The following ACO1 variants were observed in gnomAD, a reference collection of about 807,000 sequenced individuals.
ACO1 encodes the protein cytoplasmic aconitate hydratase.
In ACO1, 78 loss-of-function variants were observed where a neutral mutation model predicts 105.1. The observed-to-expected ratio is 0.74, with a 90% CI of 0.62 to 0.90. ACO1 has a LOEUF of 0.90. ACO1 is among the 40% of genes least tolerant of loss of function. The pLI is 0.00. For synonymous variants in ACO1, 364 were observed against 397.4 expected (o/e 0.92, Z 1.00); for missense variants, 965 against 1,111.1 (o/e 0.87, Z 1.87).
intron 1 of ACO1, among the ~76,000 whole-genome samples, chr9:32,387,957 A>G (rs907743718): frequency 1.3e-5 from 2 of 152,220 alleles, no homozygotes; most frequent in Non-Finnish European, 2.9e-5. Flanking sequence ...TGAGTCTCCA[A>G]GATGGACGTA....
In ACO1 at chr9:32,421,703, G is replaced by A. The variant is rs574188860; in HGVS notation, c.970+676G>A. Reference sequence around the variant, plus strand: ...CAGGAGGTGGAGGTTATGGTGGGCCGATCTCGCACCACTGCGCTCCAGCCT... The same window carrying A: ...CAGGAGGTGGAGGTTATGGTGGGCCAATCTCGCACCACTGCGCTCCAGCCT... On this transcript the variant is annotated intron_variant, in intron 8 of 20. Coordinates refer to ENST00000309951, the MANE Select transcript of ACO1 (RefSeq NM_002197.3). Among the ~76,000 whole-genome samples the A allele has an allele frequency of 1.8e-4, 28 of 152,258 alleles. No homozygotes were observed. In the South Asian group the frequency reaches 4.1e-3, roughly 23 times the overall value.
chr9:32,411,901 C>T (rs558363220), intron 4 of ACO1, among the ~76,000 whole-genome samples: 14 of 152,112 alleles, frequency 9.2e-5, no homozygotes, highest in African/African-American at 3.4e-4. Context: ...TTTTTTGAGA[C>T]AGGTTCTCAC....
At chr9:32,413,353 G>T (rs1821781757) in intron 4 of ACO1, among the ~76,000 whole-genome samples, 1 of 151,870 alleles carries the variant, frequency 6.6e-6, no homozygotes, top group Admixed American at 6.6e-5. Context: ...GCATGGTGGT[G>T]CATGCCTGTA....
At chr9:32,386,865 C>T (rs1159047778) in intron 1 of ACO1, among the ~76,000 whole-genome samples, 2 of 152,188 alleles carry the variant, frequency 1.3e-5, no homozygotes, top group Non-Finnish European at 2.9e-5. Flanking sequence ...GTAGTGAGCA[C>T]AAAAGATGCA....
At chr9:32,388,337 T>C (rs891014362) in intron 1 of ACO1, among the ~76,000 whole-genome samples, 2 of 152,142 alleles carry the variant, frequency 1.3e-5, no homozygotes, top group African/African-American at 4.8e-5. Context: ...AAGACCAACC[T>C]GGGCAACATG....
At chr9:32,395,608 G>T (rs1312878359) in intron 1 of ACO1, among the ~76,000 whole-genome samples, 1 of 152,194 alleles carries the variant, frequency 6.6e-6, no homozygotes. Flanking sequence ...CTGAGAAGGG[G>T]CTGAGGAAGA....
intron 15 of ACO1, among the ~76,000 whole-genome samples, chr9:32,432,425 G>A (rs1432818732): frequency 6.6e-6 from 1 of 152,178 alleles, no homozygotes; most frequent in Non-Finnish European, 1.5e-5. Flanking sequence ...TGCGGCTGAT[G>A]GTTTAAATGA....
rs1425081408 is a variant in ACO1, at chr9:32,451,089, C to T, written c.*978C>T. On this transcript the variant is annotated 3_prime_UTR_variant, in exon 21 of 21. Transcript: ENST00000309951. ...AACGATATAAGTACATAAGGAAAAG[C>T]AGATAAACTTCAGGACACTAAAAAC... The T allele has an allele frequency of 1.3e-5, 2 of 152,026 alleles. No homozygotes were observed. Among genetic ancestry groups the T allele is most frequent in the South Asian group, 2.1e-4 (1 of 4,838 alleles). 9.4% of individuals were successfully genotyped at this position (152,026 alleles called of 1,614,324 possible). A position where few individuals can be genotyped will look rare whatever the true frequency, so the allele number is the denominator to read the frequency against.
chr9:32,447,374 A>G (rs746520400), intron 19 of ACO1, among the ~76,000 whole-genome samples: 1 of 152,062 alleles, frequency 6.6e-6, no homozygotes, highest in Non-Finnish European at 1.5e-5. Flanking sequence ...TGATACTTGT[A>G]TATACTCACG....
chr9:32,409,576 T>TGC (rs1554660084), intron 4 of ACO1, among the ~76,000 whole-genome samples: 1 of 152,168 alleles, frequency 6.6e-6, no homozygotes, highest in Non-Finnish European at 1.5e-5. Context: ...GTTGGCCACG[T>TGC]GCAGTGGCTC....
In ACO1 at chr9:32,423,437, AC is replaced by A; in HGVS notation, c.1071+19del. ...TCACCCAGGTATGAGAGTGCCTTCC[AC>A]TGTGCATGTATTTCCTCTTCCTCAA... On this transcript the variant is annotated intron_variant, in intron 9 of 20. Coordinates refer to ENST00000309951, the MANE Select transcript of ACO1 (RefSeq NM_002197.3). 1 of 1,500,232 alleles carries A rather than the reference AC, an allele frequency of 6.7e-7. No individual in the cohort carries two copies. Among genetic ancestry groups the A allele is most frequent in the African/African-American group, 1.4e-5 (1 of 71,608 alleles). The allele number at this position is 1,500,232 out of a possible 1,614,324, so 92.9% of individuals were successfully genotyped here.
chr9:32,448,629 C>G (rs959346945), intron 19 of ACO1, among the ~76,000 whole-genome samples: 4 of 152,210 alleles, frequency 2.6e-5, no homozygotes, highest in African/African-American at 9.6e-5. Flanking sequence ...ACCCTTTGTG[C>G]TTCCCAGGTG....
chr9:32,450,526 G>T lies in ACO1; in HGVS notation c.*415G>T. On this transcript the variant is annotated 3_prime_UTR_variant, in exon 21 of 21. Transcript: ENST00000309951. ...TGCTCAATGAAACCTTCCTCTTGAG[G>T]GTCATTTTCCTTTCTGTATTAATTA... 2 of 274,728 alleles carry T rather than the reference G, an allele frequency of 7.3e-6. No individual in the cohort carries two copies. The highest frequency in any genetic ancestry group is 3.8e-5 in the South Asian group (1 of 26,578). 17.0% of individuals were successfully genotyped at this position (274,728 alleles called of 1,614,324 possible). A position where few individuals can be genotyped will look rare whatever the true frequency, so the allele number is the denominator to read the frequency against.
At chr9:32,428,939 A>G (rs1209928106) in intron 12 of ACO1, among the ~76,000 whole-genome samples, 1 of 152,186 alleles carries the variant, frequency 6.6e-6, no homozygotes, top group Non-Finnish European at 1.5e-5. Flanking sequence ...CAACATCACT[A>G]GGTGATAGGA....
chr9:32,426,929 A>G (rs543860376), intron 11 of ACO1, among the ~76,000 whole-genome samples: 4 of 152,196 alleles, frequency 2.6e-5, no homozygotes, highest in Non-Finnish European at 5.9e-5. Context: ...GGCTCCTTCA[A>G]TGATGATTTT....
At position 32,448,972 on chromosome 9, in the gene ACO1, T is replaced by C. The variant is rs748583852; in HGVS notation, c.2447T>C (p.Leu816Pro). 9 of 1,614,198 alleles carry C rather than the reference T, an allele frequency of 5.6e-6. No individual in the cohort carries two copies. The highest frequency in any genetic ancestry group is 2.2e-5 in the East Asian group (1 of 44,880). The change falls in exon 20 of 21, where the codon CTT becomes CCT. Residue 816 changes from leucine to proline, a missense_variant. Transcript: ENST00000309951. The part of the protein sequence containing the change: ...SNLVGMGVIP[L>P]EYLPGENADA... ...CTGGTTGGGATGGGTGTGATCCCAC[T>C]TGAATATCTCCCTGGTGAGAATGCA...
At chr9:32,429,338 C>T (rs1822173534) in intron 12 of ACO1, 81 bp from the exon 13 acceptor site, 4 of 1,307,022 alleles carry the variant, frequency 3.1e-6, no homozygotes, top group South Asian at 1.2e-5. Flanking sequence ...GAACAGTGGT[C>T]TCTGGAAACT....
chr9:32,427,456 T>G lies in ACO1; in HGVS notation c.1484+20T>G. On this transcript the variant is annotated intron_variant, in intron 12 of 20. Transcript: ENST00000309951. ...GCTTGGGTGAGGGAGAGTTTTCTTT[T>G]GCACCATTGCTTTTGTTGAATTGTA... 2.5e-6 allele frequency: 4 copies of G among 1,614,128 alleles called. No homozygotes were observed. The highest frequency in any genetic ancestry group is 2.5e-6 in the Non-Finnish European group (3 of 1,179,982).
At chr9:32,427,790 A>G (rs1822133358) in intron 12 of ACO1, among the ~76,000 whole-genome samples, 1 of 152,240 alleles carries the variant, frequency 6.6e-6, no homozygotes, top group Admixed American at 6.5e-5. Flanking sequence ...TCTTTCTTCA[A>G]TAATGTAAAC....
Sources: allele counts gnomAD v4.1 joint callset (sites outside exome capture counted in the v4.1 genomes callset), GRCh38; gene constraint gnomAD v4.1.1; transcripts MANE v1.5; gene names NCBI Gene and HGNC (gene_info 2026-07-23, HGNC 2026-07-21).